The following NOL4L variants were observed in gnomAD, a reference collection of about 807,000 sequenced individuals.
NOL4L encodes the protein nucleolar protein 4-like.
NOL4L carries 7 observed loss-of-function variants against 64.5 expected under a neutral mutation model. That is an observed-to-expected ratio of 0.11 (90% CI 0.06 to 0.20). The LOEUF is 0.20. Among genes scored for constraint, NOL4L ranks in the 10% least tolerant of loss-of-function variants. NOL4L has a pLI of 1.00. For missense variants in NOL4L, 680 were observed against 967.1 expected (o/e 0.70, Z 3.94); for synonymous variants, 413 against 401.0 (o/e 1.03, Z -0.36).
At chr20:32,575,763 G>C (rs6141755) in intron 1 of NOL4L, among the ~76,000 whole-genome samples, 3 of 151,778 alleles carry the variant, frequency 2.0e-5, no homozygotes, top group Non-Finnish European at 4.4e-5. Flanking sequence ...TGTCAGGCAG[G>C]GATAAGGGCC....
intron 1 of NOL4L, among the ~76,000 whole-genome samples, chr20:32,552,669 AAGAG>A (rs946659557): frequency 6.6e-6 from 1 of 151,886 alleles, no homozygotes; most frequent in African/African-American, 2.4e-5. Context: ...CCTGGGCGAC[AAGAG>A]AGAGACTCCG....
intron 4 of NOL4L, among the ~76,000 whole-genome samples, chr20:32,485,078 A>AAAAAAAAAAAAAAAAAAAAAC (rs1568643165): frequency 5.4e-5 from 8 of 147,716 alleles, no homozygotes; most frequent in African/African-American, 2.0e-4. Flanking sequence ...AAAAAAAAAA[A>AAAAAAAAAAAAAAAAAAAAAC]AAAAAAAAAC....
In NOL4L at chr20:32,529,335, T is replaced by G. The variant is rs550611294; in HGVS notation, c.322-1422A>C. On this transcript the variant is annotated intron_variant, in intron 1 of 10. Coordinates refer to ENST00000621426, the MANE Select transcript of NOL4L (RefSeq NM_001256798.2). ...CTAGATATTGTTATTAAGAAGTGCT[T>G]TGCAGTTCACCATGTTTCCCCCAGG... Among the ~76,000 whole-genome samples, 4 of 152,294 alleles carry G rather than the reference T, an allele frequency of 2.6e-5. No homozygotes were observed. In the South Asian group the frequency reaches 8.3e-4, roughly 32 times the overall value.
At chr20:32,529,811 C>G (rs561357667) in intron 1 of NOL4L, among the ~76,000 whole-genome samples, 83 of 152,368 alleles carry the variant, frequency 5.4e-4, no homozygotes, top group Admixed American at 1.4e-3. Flanking sequence ...ATCTCTCTCT[C>G]TCTGTGTGTA....
At chr20:32,465,597 G>A (rs1055110422) in intron 5 of NOL4L, among the ~76,000 whole-genome samples, 2 of 152,200 alleles carry the variant, frequency 1.3e-5, no homozygotes, top group East Asian at 3.9e-4. Context: ...AGATCGAGCC[G>A]AGACACACAG....
chr20:32,536,396 G>C, intron 1 of NOL4L: 1 of 783,530 alleles, frequency 1.3e-6, no homozygotes, highest in Non-Finnish European at 1.5e-6. Context: ...GGCTGGAGGG[G>C]GAGGGGAGTG....
intron 4 of NOL4L, among the ~76,000 whole-genome samples, chr20:32,486,030 C>G (rs769560768): frequency 7.9e-5 from 12 of 152,368 alleles, no homozygotes; most frequent in South Asian, 4.1e-4. Flanking sequence ...CATTTACTAT[C>G]CCTGAGATAA....
At chr20:32,504,185 T>C (rs1035152446) in intron 4 of NOL4L, among the ~76,000 whole-genome samples, 2 of 152,266 alleles carry the variant, frequency 1.3e-5, no homozygotes, top group African/African-American at 4.8e-5. Context: ...TTAAGTTTTC[T>C]GTGTTTCTTT....
chr20:32,581,555 G>A (rs894321211), intron 1 of NOL4L, among the ~76,000 whole-genome samples: 1 of 152,152 alleles, frequency 6.6e-6, no homozygotes, highest in African/African-American at 2.4e-5. Flanking sequence ...GACACACCAT[G>A]GCCACCCTGG....
chr20:32,485,078 A>AAAAAAAAAAAAAAAAAAAAAAAAC (rs1568643165), intron 4 of NOL4L, among the ~76,000 whole-genome samples: 2 of 147,824 alleles, frequency 1.4e-5, no homozygotes, highest in African/African-American at 5.0e-5. Context: ...AAAAAAAAAA[A>AAAAAAAAAAAAAAAAAAAAAAAAC]AAAAAAAAAC....
intron 4 of NOL4L, among the ~76,000 whole-genome samples, chr20:32,508,998 C>T (rs1009190761): frequency 2.4e-4 from 36 of 152,316 alleles, no homozygotes; most frequent in African/African-American, 8.7e-4. Context: ...TTCCCTTGGC[C>T]TGGAACTCTC....
intron 3 of NOL4L, among the ~76,000 whole-genome samples, chr20:32,515,912 C>T (rs2017635519): frequency 6.7e-6 from 1 of 149,352 alleles, no homozygotes; most frequent in African/African-American, 2.4e-5. Context: ...GGAAACCAGC[C>T]CAGGCACTAG....
At chr20:32,524,468 G>T (rs144407852) in intron 2 of NOL4L, among the ~76,000 whole-genome samples, 2 of 152,232 alleles carry the variant, frequency 1.3e-5, no homozygotes, top group African/African-American at 4.8e-5. Flanking sequence ...CAAATAACAC[G>T]CCTCATTTAG....
intron 4 of NOL4L, among the ~76,000 whole-genome samples, chr20:32,483,058 G>C (rs2015840419): frequency 6.7e-6 from 1 of 150,090 alleles, no homozygotes; most frequent in Non-Finnish European, 1.5e-5. Flanking sequence ...CTCAGGGCCA[G>C]ACACACCTCT....
At chr20:32,529,717 C>T (rs527977025) in intron 1 of NOL4L, among the ~76,000 whole-genome samples, 2 of 152,306 alleles carry the variant, frequency 1.3e-5, no homozygotes, top group East Asian at 3.9e-4. Context: ...GGGAGGTGAC[C>T]TCACTGGCCC....
In NOL4L at chr20:32,452,454, G is replaced by C; in HGVS notation, c.1621-17C>G. 6.5e-7 allele frequency: 1 copy of C among 1,543,636 alleles called. No homozygotes were observed. The highest frequency in any genetic ancestry group is 8.7e-7 in the Non-Finnish European group (1 of 1,144,506). Reference sequence around the variant, plus strand: ...GGGCTCATCCTGCAGAGGGGAGAGGGGGGCGCTGGGGAAACCAAGGGGCAG... The same window carrying C: ...GGGCTCATCCTGCAGAGGGGAGAGGCGGGCGCTGGGGAAACCAAGGGGCAG... On this transcript the variant is annotated splice_polypyrimidine_tract_variant and intron_variant, in intron 9 of 10. Coordinates refer to ENST00000621426, the MANE Select transcript of NOL4L (RefSeq NM_001256798.2).
chr20:32,492,761 G>A (rs1253980777), intron 4 of NOL4L, among the ~76,000 whole-genome samples: 3 of 152,208 alleles, frequency 2.0e-5, no homozygotes, highest in East Asian at 1.9e-4. Flanking sequence ...TTGTGCACAT[G>A]AAGACTAGGG....
chr20:32,504,384 C>T (rs536412542), intron 4 of NOL4L, among the ~76,000 whole-genome samples: 1 of 152,098 alleles, frequency 6.6e-6, no homozygotes, highest in Non-Finnish European at 1.5e-5. Context: ...CACAGTGAAA[C>T]CCTGTCTCTA....
At chr20:32,517,876 A>G (rs1293668820) in intron 3 of NOL4L, among the ~76,000 whole-genome samples, 2 of 152,162 alleles carry the variant, frequency 1.3e-5, no homozygotes, top group Non-Finnish European at 2.9e-5. Flanking sequence ...ATGAGAAAAT[A>G]TGGTTTCCTG....
Sources: allele counts gnomAD v4.1 joint callset (sites outside exome capture counted in the v4.1 genomes callset), GRCh38; gene constraint gnomAD v4.1.1; transcripts MANE v1.5; gene names NCBI Gene and HGNC (gene_info 2026-07-23, HGNC 2026-07-21).